Variants in GFM1 observed in about 807,000 individuals in gnomAD.
GFM1 encodes the protein elongation factor G, mitochondrial.
A neutral mutation model predicts 96.2 loss-of-function variants in GFM1; 62 were observed. The observed-to-expected ratio is 0.64, with a 90% confidence interval of 0.53 to 0.80. The LOEUF (loss-of-function observed/expected upper bound fraction) is 0.80. Ranked by LOEUF, GFM1 falls within the 30% of genes least tolerant of loss-of-function variation. The pLI is 0.00. For synonymous variants in GFM1, 282 were observed against 312.9 expected (o/e 0.90, Z 1.04); for missense variants, 852 against 916.6 (o/e 0.93, Z 0.91).
intron 16 of GFM1, 30 bp downstream of exon 16, chr3:158,690,353 C>T: frequency 6.3e-7 from 1 of 1,598,948 alleles, no homozygotes; most frequent in South Asian, 1.1e-5. Flanking sequence ...GGCAGTCCTG[C>T]TTTTATTAAC....
intron 13 of GFM1, among the ~76,000 whole-genome samples, chr3:158,676,701 C>CT (rs201525716): frequency 0.018 from 2,476 of 140,338 alleles, 52 homozygotes; most frequent in African/African-American, 0.058. Context: ...TTTTCTTTTT[C>CT]TTTTTTTTTT....
At chr3:158,665,734 A>G (rs1723612709) in intron 12 of GFM1, among the ~76,000 whole-genome samples, 1 of 152,326 alleles carries the variant, frequency 6.6e-6, no homozygotes, top group South Asian at 2.1e-4. Context: ...ATATCTGTCC[A>G]TCCCCAGGTC....
intron 3 of GFM1, 69 bp from the exon 4 acceptor site, chr3:158,646,674 C>T: frequency 7.7e-7 from 1 of 1,298,896 alleles, no homozygotes; most frequent in African/African-American, 1.5e-5. Context: ...GATACAAAAA[C>T]TTCTAATAGT....
chr3:158,682,158 G>C lies in GFM1; in HGVS notation c.1764+1G>C. 6.2e-7 allele frequency: 1 copy of C among 1,611,792 alleles called. No homozygotes were observed. The highest frequency in any genetic ancestry group is 8.5e-7 in the Non-Finnish European group (1 of 1,178,640). The stretch of plus-strand genomic sequence containing the variant: ...GCAGTTTGTGCCTGCTGTAGAAAAG[G>C]TAAATTTTTAAAAAAGTGTTTTTGC... On this transcript the variant is annotated splice_donor_variant, in intron 14 of 17. Coordinates refer to ENST00000486715, the MANE Select transcript of GFM1 (RefSeq NM_024996.7). LOFTEE classifies it high-confidence loss of function.
intron 5 of GFM1, chr3:158,649,376 C>G (rs1722111351): frequency 7.3e-6 from 3 of 411,272 alleles, no homozygotes; most frequent in South Asian, 7.1e-5. Context: ...GTAATATACC[C>G]ATATCACATT....
intron 13 of GFM1, among the ~76,000 whole-genome samples, chr3:158,671,583 T>C (rs1560138825): frequency 6.6e-6 from 1 of 152,172 alleles, no homozygotes; most frequent in Non-Finnish European, 1.5e-5. Context: ...AGATTGAAAA[T>C]TTATACCTAA....
At chr3:158,669,311 G>A in intron 13 of GFM1, 6 of 1,197,616 alleles carry the variant, frequency 5.0e-6, no homozygotes, top group Non-Finnish European at 6.9e-6. Flanking sequence ...TTAGAAATGA[G>A]TATTTTTGCA....
Position 158,646,668 on chromosome 3 carries a change from C to A in GFM1, c.368-75C>A. ...AAGACTTATGTGATGAGCAGAGATACAAAAACTTCTAATAGTGCATATATT... is the reference window on the plus strand; with the variant it reads ...AAGACTTATGTGATGAGCAGAGATAAAAAAACTTCTAATAGTGCATATATT... On this transcript the variant is annotated intron_variant, in intron 3 of 17. Coordinates refer to ENST00000486715, the MANE Select transcript of GFM1 (RefSeq NM_024996.7). 3.2e-6 allele frequency: 4 copies of A among 1,248,414 alleles called. No homozygotes were observed. In the South Asian group the frequency reaches 3.8e-5, roughly 12 times the overall value. The allele number at this position is 1,248,414 out of a possible 1,614,324, so 77.3% of individuals were successfully genotyped here. A position where few individuals can be genotyped will look rare whatever the true frequency, so the allele number is the denominator to read the frequency against.
At chr3:158,690,116 TGTA>T in intron 15 of GFM1, 44 bp from the exon 16 acceptor site, 1 of 1,495,912 alleles carries the variant, frequency 6.7e-7, no homozygotes, top group Non-Finnish European at 9.3e-7. Context: ...ACAGAAGAGT[TGTA>T]GTTTGTATGA....
chr3:158,657,808 T>G (rs1485025426), intron 8 of GFM1, among the ~76,000 whole-genome samples: 1 of 152,204 alleles, frequency 6.6e-6, no homozygotes, highest in African/African-American at 2.4e-5. Context: ...TCATGTTTCT[T>G]TATCATCTAT....
At chr3:158,675,298 A>C (rs1419240199) in intron 13 of GFM1, among the ~76,000 whole-genome samples, 5 of 143,166 alleles carry the variant, frequency 3.5e-5, no homozygotes, top group Admixed American at 6.8e-5. Context: ...AAAAAAAAAA[A>C]AAAAAAAAAA....
intron 1 of GFM1, among the ~76,000 whole-genome samples, chr3:158,645,192 A>C (rs947500925): frequency 6.6e-6 from 1 of 152,208 alleles, no homozygotes; most frequent in Non-Finnish European, 1.5e-5. Context: ...AGCTACTAGC[A>C]TCACTGCATA....
chr3:158,689,497 C>T (rs1726127853), intron 15 of GFM1, among the ~76,000 whole-genome samples: 1 of 152,130 alleles, frequency 6.6e-6, no homozygotes, highest in Admixed American at 6.6e-5. Flanking sequence ...TCCACGTCCC[C>T]TCCTGCCCTG....
chr3:158,645,628 G>A lies in GFM1; in HGVS notation c.82-1G>A. The A allele has an allele frequency of 6.2e-7, 1 of 1,611,682 alleles. No individual in the cohort carries two copies. ...GAATTGAGCTCTCGTATTTTTTTCAGGTTAATTGGAAGGCCTGCCGATGGT... is the reference window on the plus strand; with the variant it reads ...GAATTGAGCTCTCGTATTTTTTTCAAGTTAATTGGAAGGCCTGCCGATGGT... On this transcript the variant is annotated splice_acceptor_variant, in intron 1 of 17. Transcript: ENST00000486715. LOFTEE classifies it high-confidence loss of function.
At chr3:158,674,778 T>C (rs2108077229) in intron 13 of GFM1, among the ~76,000 whole-genome samples, 1 of 152,334 alleles carries the variant, frequency 6.6e-6, no homozygotes, top group Non-Finnish European at 1.5e-5. Context: ...AAACTGGCTG[T>C]AGCTCACCTT....
chr3:158,677,870 A>C (rs965082696), intron 13 of GFM1, among the ~76,000 whole-genome samples: 1 of 152,200 alleles, frequency 6.6e-6, no homozygotes, highest in African/African-American at 2.4e-5. Context: ...TGTGACTTTC[A>C]TAGCTGGAGA....
Position 158,665,444 on chromosome 3 carries a change from G to A in GFM1, c.1488G>A (p.Met496Ile). 1 of 1,610,676 alleles carries A rather than the reference G, an allele frequency of 6.2e-7. No individual in the cohort carries two copies. Among genetic ancestry groups the A allele is most frequent in the Non-Finnish European group, 8.5e-7 (1 of 1,177,414 alleles). The change falls in exon 12 of 18, where the codon ATG becomes ATA. Residue 496 changes from methionine (M) to isoleucine (I), a missense_variant. Met to Ile is a conservative substitution (Grantham distance 10). Transcript: ENST00000486715. ...TENKETVISGMGELHLEIYAQ... is the reference protein window; with the variant it reads ...TENKETVISGIGELHLEIYAQ... ...ACAAAGAGACAGTTATATCTGGAAT[G>A]GGAGAATTACACCTGGAAATCTATG... is the stretch of plus-strand genomic sequence containing the variant.
At chr3:158,666,841 C>G in intron 13 of GFM1, 3 of 1,430,602 alleles carry the variant, frequency 2.1e-6, no homozygotes, top group Non-Finnish European at 2.9e-6. Flanking sequence ...ACAGTCTTCA[C>G]AAAGAATAGT....
At chr3:158,649,313 C>T (rs1036535460) in intron 5 of GFM1, 156 bp downstream of exon 5, 10 of 532,124 alleles carry the variant, frequency 1.9e-5, no homozygotes, top group Non-Finnish European at 3.0e-5. Context: ...TAATCCTAGT[C>T]GCTCCCCATT....
Sources: allele counts gnomAD v4.1 joint callset (sites outside exome capture counted in the v4.1 genomes callset), GRCh38; gene constraint gnomAD v4.1.1; transcripts MANE v1.5; gene names NCBI Gene and HGNC (gene_info 2026-07-23, HGNC 2026-07-21).